The following MCM9 variants were observed in gnomAD, a reference collection of about 807,000 sequenced individuals.
The protein encoded by MCM9 is DNA helicase MCM9.
In MCM9, 55 loss-of-function variants were observed where a neutral mutation model predicts 72.8. That is an observed-to-expected ratio of 0.76 (90% CI 0.61 to 0.95). The LOEUF is 0.95. MCM9 is among the 40% of genes least tolerant of loss of function. MCM9 has a pLI of 0.00. For synonymous variants in MCM9, 480 were observed against 503.4 expected (o/e 0.95, Z 0.62); for missense variants, 1,279 against 1,377.0 (o/e 0.93, Z 1.13).
At chr6:118,890,118 TCTCCTTCTCTCTCCCAGTATACAC>T (rs1778850275) in intron 8 of MCM9, among the ~76,000 whole-genome samples, 1 of 152,132 alleles carries the variant, frequency 6.6e-6, no homozygotes, top group South Asian at 2.1e-4. Flanking sequence ...CTTGGCTGGG[TCTCCTTCTCTCTCCCAGTATACAC>T]CTGGACCAAC....
chr6:118,923,964 G>T lies in MCM9; in HGVS notation c.468C>A (p.Ile156=). 1.2e-6 allele frequency: 2 copies of T among 1,614,176 alleles called. No individual in the cohort carries two copies. Among genetic ancestry groups the T allele is most frequent in the Non-Finnish European group, 1.7e-6 (2 of 1,180,026 alleles). ...MCNKCKHVFV[I]KADFEQYYTF... is the part of the protein sequence containing the mutation. ...TGTAATACTGCTCAAAGTCAGCCTT[G>T]ATCACAAACACATGCTTGCATTTGT... Residue 156 remains isoleucine (I), a synonymous_variant, in exon 4 of 14, where the codon ATC becomes ATA. Coordinates refer to ENST00000619706, the MANE Select transcript of MCM9 (RefSeq NM_017696.3).
intron 8 of MCM9, among the ~76,000 whole-genome samples, chr6:118,903,080 C>T (rs886389785): frequency 3.3e-5 from 5 of 152,058 alleles, no homozygotes; most frequent in African/African-American, 1.2e-4. Flanking sequence ...TTGTAAAATG[C>T]TTTTTAAAAG....
At chr6:118,861,491 C>A (rs780512058) in intron 8 of MCM9, among the ~76,000 whole-genome samples, 1 of 152,196 alleles carries the variant, frequency 6.6e-6, no homozygotes, top group African/African-American at 2.4e-5. Flanking sequence ...GGTACTTGGA[C>A]AACTGGAGGG....
chr6:118,878,817 G>T (rs1369168206), intron 8 of MCM9, among the ~76,000 whole-genome samples: 3 of 152,272 alleles, frequency 2.0e-5, no homozygotes, highest in Non-Finnish European at 4.4e-5. Context: ...AGCACTTTGG[G>T]AGGCTGAGGT....
intron 8 of MCM9, among the ~76,000 whole-genome samples, chr6:118,875,527 T>A (rs187521974): frequency 1.3e-5 from 2 of 152,016 alleles, no homozygotes; most frequent in East Asian, 3.9e-4. Flanking sequence ...TCCCAGCTAC[T>A]CAAGAGACTG....
At chr6:118,855,724 T>C (rs990881002) in intron 9 of MCM9, among the ~76,000 whole-genome samples, 24 of 152,158 alleles carry the variant, frequency 1.6e-4, no homozygotes, top group African/African-American at 5.8e-4. Context: ...CTGTTACTGC[T>C]TGAATGACCT....
In MCM9 at chr6:118,924,380, T is replaced by C. The variant is rs145405154; in HGVS notation, c.305-253A>G. Among the ~76,000 whole-genome samples the C allele has an allele frequency of 2.2e-3, 331 of 152,268 alleles. 1 individual carries two copies. The highest frequency in any genetic ancestry group is 7.7e-3 in the African/African-American group (322 of 41,554). On this transcript the variant is annotated intron_variant, in intron 3 of 13. Transcript: ENST00000619706. Reference sequence around the variant, plus strand: ...TGAGTAGACCATGTTTTAAAGCAAATAGCTAGAAGTTATAATAACCAGGAT... The same window carrying C: ...TGAGTAGACCATGTTTTAAAGCAAACAGCTAGAAGTTATAATAACCAGGAT...
At chr6:118,874,222 T>G (rs1229815727) in intron 8 of MCM9, among the ~76,000 whole-genome samples, 2 of 151,948 alleles carry the variant, frequency 1.3e-5, no homozygotes, top group Non-Finnish European at 2.9e-5. Flanking sequence ...GTCACTGCAC[T>G]CCAGCCTGCA....
intron 8 of MCM9, among the ~76,000 whole-genome samples, chr6:118,886,077 A>G: frequency 6.6e-6 from 1 of 152,100 alleles, no homozygotes. Flanking sequence ...ACAAAAAACA[A>G]AAACATGATC....
intron 8 of MCM9, chr6:118,905,919 G>T (rs1780148182): frequency 1.0e-6 from 1 of 966,242 alleles, no homozygotes; most frequent in South Asian, 1.9e-5. Flanking sequence ...TATTAAAATG[G>T]CTTTGAGATA....
In MCM9 at chr6:118,815,003, C is replaced by T. The variant is rs1773319700; in HGVS notation, c.3253G>A (p.Gly1085Ser). The T allele has an allele frequency of 6.5e-7, 1 of 1,550,040 alleles. No homozygotes were observed. The highest frequency in any genetic ancestry group is 1.4e-5 in the African/African-American group (1 of 72,906). ...PPERKNRGER[G>S]PSSPPTTTAP... is the part of the protein sequence containing the mutation. ...GTGGTTGTAGGAGGGGAGCTTGGGC[C>T]TCTCTCACCTCGGTTCTTCCTTTCA... The change falls in exon 14 of 14, where the codon GGC (glycine) becomes AGC (serine). Residue 1085 changes from glycine (G) to serine (S), a missense_variant. By Grantham distance (56) the Gly-to-Ser change is moderately conservative. Coordinates refer to ENST00000619706, the MANE Select transcript of MCM9 (RefSeq NM_017696.3).
intron 8 of MCM9, among the ~76,000 whole-genome samples, chr6:118,857,969 A>G (rs1428292295): frequency 6.6e-6 from 1 of 152,198 alleles, no homozygotes; most frequent in African/African-American, 2.4e-5. Flanking sequence ...TCAATAATAG[A>G]GAAGAGTAAA....
intron 8 of MCM9, chr6:118,894,392 T>C (rs1026056990): frequency 2.2e-5 from 34 of 1,533,070 alleles, no homozygotes; most frequent in African/African-American, 5.5e-5. Flanking sequence ...CCAGTTCCCA[T>C]TGTTTGTGTT....
chr6:118,929,884 A>C (rs953655804), intron 3 of MCM9, among the ~76,000 whole-genome samples: 1 of 152,154 alleles, frequency 6.6e-6, no homozygotes, highest in African/African-American at 2.4e-5. Context: ...CTGATGCATA[A>C]TGATTAATAC....
intron 8 of MCM9, among the ~76,000 whole-genome samples, chr6:118,881,469 C>A (rs934444267): frequency 6.6e-6 from 1 of 152,078 alleles, no homozygotes; most frequent in Non-Finnish European, 1.5e-5. Flanking sequence ...AGTCAATGTG[C>A]GGAATTTATT....
At chr6:118,878,006 T>A (rs977666153) in intron 8 of MCM9, among the ~76,000 whole-genome samples, 1 of 151,880 alleles carries the variant, frequency 6.6e-6, no homozygotes. Flanking sequence ...TACAAAAATT[T>A]AAAAAATTAG....
intron 9 of MCM9, among the ~76,000 whole-genome samples, chr6:118,845,181 A>G (rs778091459): frequency 2.0e-5 from 3 of 151,920 alleles, no homozygotes; most frequent in African/African-American, 7.3e-5. Context: ...AAGACCCACA[A>G]ACACACACAA....
At chr6:118,829,898 A>C (rs1233405769) in intron 9 of MCM9, among the ~76,000 whole-genome samples, 3 of 152,174 alleles carry the variant, frequency 2.0e-5, no homozygotes, top group East Asian at 3.8e-4. Context: ...AGGGAGGGAA[A>C]GGAAATCAGA....
intron 8 of MCM9, among the ~76,000 whole-genome samples, chr6:118,859,014 C>T (rs765107728): frequency 2.6e-5 from 4 of 152,070 alleles, no homozygotes; most frequent in Non-Finnish European, 5.9e-5. Flanking sequence ...ACATGACATA[C>T]TACAAAGCTA....
Sources: gnomAD v4.1 joint callset for allele counts (sites outside exome capture counted in the v4.1 genomes callset) on GRCh38, gnomAD v4.1.1 for gene constraint, MANE v1.5 for transcripts, NCBI Gene and HGNC (gene_info 2026-07-23, HGNC 2026-07-21) for gene names.